The following ATP8A2 variants were observed in gnomAD, a reference collection of about 807,000 sequenced individuals.
ATP8A2 encodes the protein phospholipid-transporting ATPase IB.
A neutral mutation model predicts 165.6 loss-of-function variants in ATP8A2; 100 were observed. The observed-to-expected ratio is 0.60, with a 90% CI of 0.51 to 0.71. The LOEUF is 0.71. Among genes scored for constraint, ATP8A2 ranks in the 30% least tolerant of loss-of-function variants. The pLI, the probability that ATP8A2 is intolerant of heterozygous loss-of-function variation, is 0.00. For synonymous variants in ATP8A2, 543 were observed against 548.8 expected, an observed-to-expected ratio of 0.99 and a Z score of 0.15; for missense variants, 1,227 against 1,479.5, an observed-to-expected ratio of 0.83 and a Z score of 2.80.
intron 24 of ATP8A2, among the ~76,000 whole-genome samples, chr13:25,671,825 G>A (rs143832859): frequency 0.035 from 5,314 of 152,182 alleles, 155 homozygotes; most frequent in East Asian, 0.13. Context: ...CTATTACCTT[G>A]TAAAGTACTT....
intron 24 of ATP8A2, among the ~76,000 whole-genome samples, chr13:25,678,761 G>A (rs879356980): frequency 4.6e-5 from 7 of 152,304 alleles, no homozygotes; most frequent in South Asian, 2.1e-4. Context: ...CACTTGCTCC[G>A]TGACCTTGGG....
At chr13:25,628,170 G>A (rs1475731332) in intron 24 of ATP8A2, among the ~76,000 whole-genome samples, 3 of 152,154 alleles carry the variant, frequency 2.0e-5, no homozygotes, top group Non-Finnish European at 4.4e-5. Flanking sequence ...TGCTGACTTA[G>A]AAACCCATGC....
At chr13:25,604,061 T>C (rs2040457570) in intron 24 of ATP8A2, among the ~76,000 whole-genome samples, 1 of 151,850 alleles carries the variant, frequency 6.6e-6, no homozygotes, top group Admixed American at 6.6e-5. Flanking sequence ...GGTACTTCAT[T>C]GTTTAAAAGT....
chr13:25,728,480 C>T (rs2043543197), intron 25 of ATP8A2, among the ~76,000 whole-genome samples: 2 of 152,198 alleles, frequency 1.3e-5, no homozygotes. Context: ...GCTCCATCCA[C>T]ATCTTGAGTT....
At chr13:25,775,093 G>A (rs2044711918) in intron 27 of ATP8A2, 134 bp downstream of exon 27, 1 of 583,848 alleles carries the variant, frequency 1.7e-6, no homozygotes, top group South Asian at 2.3e-5. Flanking sequence ...CTACAGCCTG[G>A]GTCACATGTA....
intron 16 of ATP8A2, among the ~76,000 whole-genome samples, chr13:25,567,827 T>C (rs548183546): frequency 6.6e-6 from 1 of 152,156 alleles, no homozygotes; most frequent in South Asian, 2.1e-4. Flanking sequence ...ATATTTTTCT[T>C]TGGGGAGATG....
At chr13:25,573,287 T>C (rs2039519841) in intron 18 of ATP8A2, among the ~76,000 whole-genome samples, 1 of 152,268 alleles carries the variant, frequency 6.6e-6, no homozygotes, top group African/African-American at 2.4e-5. Flanking sequence ...GAACAGGCGC[T>C]TCCACTTCAC....
At chr13:25,778,072 G>A (rs2044782265) in intron 27 of ATP8A2, among the ~76,000 whole-genome samples, 1 of 152,122 alleles carries the variant, frequency 6.6e-6, no homozygotes, top group Non-Finnish European at 1.5e-5. Context: ...CAGTTACTAT[G>A]TATAGACCCA....
chr13:25,979,758 G>C (rs998862388), intron 35 of ATP8A2, among the ~76,000 whole-genome samples: 4 of 152,242 alleles, frequency 2.6e-5, no homozygotes, highest in African/African-American at 9.6e-5. Flanking sequence ...GTGGGAGACA[G>C]TGAGTGGTGG....
intron 33 of ATP8A2, among the ~76,000 whole-genome samples, chr13:25,942,702 G>A (rs1182440064): frequency 1.3e-5 from 2 of 152,236 alleles, no homozygotes; most frequent in Non-Finnish European, 1.5e-5. Flanking sequence ...GGGATTACAG[G>A]CGTGAGCCAC....
At chr13:25,384,937 G>A (rs184045480) in intron 1 of ATP8A2, among the ~76,000 whole-genome samples, 1 of 152,312 alleles carries the variant, frequency 6.6e-6, no homozygotes, top group East Asian at 1.9e-4. Flanking sequence ...TGCAGGGATG[G>A]GTGGGACATG....
chr13:25,757,666 C>T (rs2044292585), intron 25 of ATP8A2, among the ~76,000 whole-genome samples: 1 of 152,156 alleles, frequency 6.6e-6, no homozygotes, highest in South Asian at 2.1e-4. Flanking sequence ...TTGTAAGGCA[C>T]AGGCATGATA....
At chr13:25,478,756 A>AC (rs2036068692) in intron 2 of ATP8A2, among the ~76,000 whole-genome samples, 6 of 152,192 alleles carry the variant, frequency 3.9e-5, no homozygotes, top group Non-Finnish European at 5.9e-5. Context: ...TTCAGCTTAG[A>AC]AAAGACTTCA....
chr13:25,763,636 G>T (rs2044430512), intron 25 of ATP8A2, among the ~76,000 whole-genome samples: 2 of 152,236 alleles, frequency 1.3e-5, no homozygotes, highest in South Asian at 2.1e-4. Flanking sequence ...TGCTCCAGGG[G>T]CCATTCCAAG....
At chr13:25,761,752 C>T (rs2044383663) in intron 25 of ATP8A2, among the ~76,000 whole-genome samples, 1 of 151,506 alleles carries the variant, frequency 6.6e-6, no homozygotes, top group South Asian at 2.1e-4. Flanking sequence ...TATCATGCAG[C>T]ACCCCCAAGA....
intron 27 of ATP8A2, among the ~76,000 whole-genome samples, chr13:25,784,625 T>C (rs549778741): frequency 1.3e-5 from 2 of 152,328 alleles, no homozygotes; most frequent in Non-Finnish European, 2.9e-5. Context: ...TTTGTTTTTT[T>C]AGAATGTAAG....
intron 26 of ATP8A2, among the ~76,000 whole-genome samples, chr13:25,770,843 T>C (rs1257598967): frequency 1.3e-5 from 2 of 152,198 alleles, no homozygotes; most frequent in Non-Finnish European, 2.9e-5. Context: ...TTGAAGAATG[T>C]GTTCACCTTA....
At chr13:26,006,004 A>T (rs1470679026) in intron 35 of ATP8A2, among the ~76,000 whole-genome samples, 2 of 152,086 alleles carry the variant, frequency 1.3e-5, no homozygotes, top group East Asian at 1.9e-4. Flanking sequence ...TTATAATTCC[A>T]TGTGAATCTT....
At chr13:25,528,074 T>C (rs2037898512) in intron 2 of ATP8A2, among the ~76,000 whole-genome samples, 1 of 152,228 alleles carries the variant, frequency 6.6e-6, no homozygotes, top group Non-Finnish European at 1.5e-5. Flanking sequence ...AAGAAGACTT[T>C]GTATTGTGAG....
Sources: allele counts gnomAD v4.1 joint callset (sites outside exome capture counted in the v4.1 genomes callset), GRCh38; gene constraint gnomAD v4.1.1; transcripts MANE v1.5; gene names NCBI Gene and HGNC (gene_info 2026-07-23, HGNC 2026-07-21).